The following SMG1 variants were observed in gnomAD, a reference collection of about 807,000 sequenced individuals.
SMG1 encodes serine/threonine-protein kinase SMG1.
A neutral mutation model predicts 419.9 loss-of-function variants in SMG1; 22 were observed. The observed-to-expected ratio is 0.05, with a 90% CI of 0.04 to 0.07. The LOEUF (loss-of-function observed/expected upper bound fraction) is 0.07, where lower values mean the gene tolerates loss of function less well. Among genes scored for constraint, SMG1 ranks in the 10% least tolerant of loss-of-function variants. The pLI, the probability that SMG1 is intolerant of heterozygous loss-of-function variation, is 1.00. For missense variants in SMG1, 3,185 were observed against 4,342.0 expected, an observed-to-expected ratio of 0.73 and a Z score of 7.49; for synonymous variants, 1,538 against 1,553.5, an observed-to-expected ratio of 0.99 and a Z score of 0.23.
rs767684113 is a variant in SMG1 at position 18,809,625 on chromosome 16, C to A, written c.10930G>T (p.Ala3644Ser). ...TGAGCCAAGTTATCTAGATTAGTTG[C>A]TTCCTTAATGACATAGTCAACCTGT... The part of the protein sequence containing the change: ...AEQVDYVIKE[A>S]TNLDNLAQLY... Residue 3644 changes from alanine to serine, a missense_variant, in exon 63 of 63, where the codon GCA becomes TCA. Physicochemically the swap from Ala to Ser is moderately conservative, Grantham distance 99. Transcript: ENST00000446231. The A allele has an allele frequency of 1.9e-6, 3 of 1,608,212 alleles. No homozygotes were observed. Among genetic ancestry groups the A allele is most frequent in the South Asian group, 2.2e-5 (2 of 89,708 alleles).
In SMG1 at chr16:18,854,121, CTG is replaced by C. The variant is rs577637681; in HGVS notation, c.4484-256_4484-255del. ...TTTTTTTTTGAGGCAGGGTTTCACT[CTG>C]TCACCTAGGCTGGAGTGCAGTAGCA... On this transcript the variant is annotated intron_variant, in intron 30 of 62. Transcript: ENST00000446231. 3.2e-5 allele frequency among the ~76,000 whole-genome samples: 4 copies of C among 126,146 alleles called. No individual in the cohort carries two copies. In the South Asian group the frequency reaches 1.0e-3, roughly 32 times the overall value. 82.8% of individuals were successfully genotyped at this position (126,146 alleles called of 152,430 possible).
intron 11 of SMG1, chr16:18,878,666 T>G (rs1425367100): frequency 6.0e-5 from 9 of 150,742 alleles, no homozygotes; most frequent in African/African-American, 2.2e-4. Flanking sequence ...TAGAGCAATG[T>G]TTCCTCAAAA....
chr16:18,917,342 G>A (rs2038020416), intron 1 of SMG1, among the ~76,000 whole-genome samples: 1 of 151,644 alleles, frequency 6.6e-6, no homozygotes, highest in Admixed American at 6.6e-5. Flanking sequence ...TAGTAGACAT[G>A]GGGTTTCTCC....
rs201367555 is a variant in SMG1, at chr16:18,882,144, G to C, written c.1293+21C>G. 5.9e-3 allele frequency: 8,954 copies of C among 1,508,326 alleles called. 36 individuals are homozygous for C. Among genetic ancestry groups the C allele is most frequent in the Non-Finnish European group, 7.2e-3 (8,148 of 1,125,686 alleles). The allele number at this position is 1,508,326 out of a possible 1,614,324, so 93.4% of individuals were successfully genotyped here. On this transcript the variant is annotated intron_variant, in intron 10 of 62. Transcript: ENST00000446231. ...ACAATTTTATTTTTGAATGACACTT[G>C]AAATGCCCAAAAGCACTTACATCTG...
At chr16:18,814,750 G>T (rs2031834260) in intron 60 of SMG1, among the ~76,000 whole-genome samples, 1 of 149,282 alleles carries the variant, frequency 6.7e-6, no homozygotes, top group African/African-American at 2.5e-5. Context: ...AATTTTTTTT[G>T]TATTTTTAGT....
chr16:18,885,448 C>G lies in SMG1; in HGVS notation c.948+93G>C. 3.4e-6 allele frequency: 5 copies of G among 1,470,162 alleles called. No homozygotes were observed. In the East Asian group the frequency reaches 6.8e-5, roughly 20 times the overall value. The allele number at this position is 1,470,162 out of a possible 1,614,324, so 91.1% of individuals were successfully genotyped here. On this transcript the variant is annotated intron_variant, in intron 7 of 62. Transcript: ENST00000446231. Reference sequence around the variant, plus strand: ...ATATCACTGATTATATTCAAAGGAGCTGAGGCATTGTTTTCCATCTGTTTC... The same window carrying G: ...ATATCACTGATTATATTCAAAGGAGGTGAGGCATTGTTTTCCATCTGTTTC...
At position 18,829,471 on chromosome 16, in the gene SMG1, T is replaced by C; in HGVS notation, c.9418A>G (p.Lys3140Glu). The change falls in exon 54 of 63, where the codon AAA becomes GAA. Residue 3140 changes from lysine (K) to glutamate (E), a missense_variant. This residue lies in a region of SMG1 where 737 missense variants were observed against 846.6 expected (regional missense o/e 0.87). Coordinates refer to ENST00000446231, the MANE Select transcript of SMG1 (RefSeq NM_015092.5). ...SKVSVDDLCK[K>E]AVEHNIQIGK... is the part of the protein sequence containing the mutation. ...ATCTGGATGTTATGTTCCACCGCTT[T>C]CTTACAGAGATCATCAACAGAAACT... 6.2e-7 allele frequency: 1 copy of C among 1,614,018 alleles called. No individual in the cohort carries two copies. Among genetic ancestry groups the C allele is most frequent in the Non-Finnish European group, 8.5e-7 (1 of 1,179,882 alleles).
chr16:18,866,093 G>C (rs1394010426), intron 23 of SMG1: 1 of 160,508 alleles, frequency 6.2e-6, no homozygotes, highest in Non-Finnish European at 1.4e-5. Context: ...AAAGCATATG[G>C]ATATGGAAAT....
At chr16:18,874,143 G>T (rs555035072) in intron 13 of SMG1, among the ~76,000 whole-genome samples, 6 of 151,856 alleles carry the variant, frequency 4.0e-5, no homozygotes, top group African/African-American at 9.7e-5. Flanking sequence ...CTTTCTTTGT[G>T]TTTTTTTTCT....
At chr16:18,860,312 A>G (rs1047508184) in intron 26 of SMG1, among the ~76,000 whole-genome samples, 2 of 152,226 alleles carry the variant, frequency 1.3e-5, no homozygotes, top group African/African-American at 4.8e-5. Flanking sequence ...TACTCATTAA[A>G]CTTTTTAATA....
chr16:18,887,818 C>T (rs1366112412), intron 6 of SMG1, among the ~76,000 whole-genome samples: 4 of 101,832 alleles, frequency 3.9e-5, no homozygotes, highest in Admixed American at 1.2e-4. Flanking sequence ...TCAGATATTC[C>T]GAACACATCA....
At chr16:18,830,439 A>C (rs1265783999) in intron 51 of SMG1, 70 bp from the exon 52 acceptor site, 1 of 1,519,128 alleles carries the variant, frequency 6.6e-7, no homozygotes, top group East Asian at 2.3e-5. Flanking sequence ...ATACAAAGTC[A>C]GTACATCTCA....
rs1567334600 is a variant in SMG1 at position 18,832,913 on chromosome 16, G to GA, written c.8792+26dup. The stretch of plus-strand genomic sequence containing the variant: ...CTGGCTGTCCCATCTCTTTTACAAG[G>GA]AAACGGCACAGCCAGCATTCACTTG... On this transcript the variant is annotated intron_variant, in intron 51 of 62. Transcript: ENST00000446231. 10 of 1,592,418 alleles carry GA rather than the reference G, an allele frequency of 6.3e-6. No individual in the cohort carries two copies. In the Admixed American group the frequency reaches 1.2e-4, roughly 19 times the overall value.
At chr16:18,916,238 A>G (rs1046100520) in intron 1 of SMG1, among the ~76,000 whole-genome samples, 5 of 151,742 alleles carry the variant, frequency 3.3e-5, no homozygotes, top group African/African-American at 1.2e-4. Flanking sequence ...ATTATAGGCC[A>G]GGCACGGTGG....
intron 1 of SMG1, among the ~76,000 whole-genome samples, chr16:18,915,764 T>TGAA (rs1414018027): frequency 6.6e-6 from 1 of 151,972 alleles, no homozygotes; most frequent in African/African-American, 2.4e-5. Context: ...TTGTCAAAAT[T>TGAA]TACTGAATTT....
intron 7 of SMG1, 130 bp from the exon 8 acceptor site, chr16:18,885,292 T>C (rs568389591): frequency 1.6e-6 from 1 of 640,942 alleles, no homozygotes; most frequent in Admixed American, 2.9e-5. Context: ...TCTAGAAACT[T>C]AGAAAGGGGA....
rs772036005 is a variant in SMG1 at position 18,815,236 on chromosome 16, A to T, written c.10560T>A (p.Asp3520Glu). ...TTGGACTCGAACATTCATTTGTTGC[A>T]TCGGTGACTAAGGGTGATGCAAAAC... The part of the protein sequence containing the change: ...LVSFASPLVT[D>E]ATNECSSPTS... Residue 3520 changes from aspartate (D) to glutamate (E), a missense_variant, in exon 60 of 63, where the codon GAT (aspartate) becomes GAA (glutamate). Coordinates refer to ENST00000446231, the MANE Select transcript of SMG1 (RefSeq NM_015092.5). 1.3e-6 allele frequency: 2 copies of T among 1,595,278 alleles called. No homozygotes were observed. Among genetic ancestry groups the T allele is most frequent in the South Asian group, 2.3e-5 (2 of 87,746 alleles).
chr16:18,899,540 T>A (rs2037266741), intron 1 of SMG1, among the ~76,000 whole-genome samples: 1 of 152,210 alleles, frequency 6.6e-6, no homozygotes, highest in Non-Finnish European at 1.5e-5. Context: ...ATATGAAATT[T>A]CTATTTTTAT....
At chr16:18,815,343 T>C (rs1029283764) in intron 59 of SMG1, 62 bp from the exon 60 acceptor site, 1 of 1,546,468 alleles carries the variant, frequency 6.5e-7, no homozygotes, top group African/African-American at 1.4e-5. Flanking sequence ...CTTATAAAAA[T>C]ATGAACAAAA....
Sources: gnomAD v4.1 joint callset for allele counts (sites outside exome capture counted in the v4.1 genomes callset) on GRCh38, gnomAD v4.1.1 for gene constraint, gnomAD v4.1.1 regional missense constraint, MANE v1.5 for transcripts, NCBI Gene and HGNC (gene_info 2026-07-23, HGNC 2026-07-21) for gene names.